The following ZNF609 variants were observed in gnomAD, a reference collection of about 807,000 sequenced individuals.
The protein encoded by ZNF609 is zinc finger protein 609.
A neutral mutation model predicts 109.5 loss-of-function variants in ZNF609; 11 were observed. The observed-to-expected ratio is 0.10, with a 90% confidence interval of 0.06 to 0.17. The LOEUF (loss-of-function observed/expected upper bound fraction) is 0.17. ZNF609 is among the 10% of genes least tolerant of loss of function. The probability of loss-of-function intolerance (pLI) is 1.00; values close to 1 mark genes in which losing one functional copy is unlikely to be tolerated. For synonymous variants in ZNF609, 646 were observed against 662.0 expected (o/e 0.98, Z 0.37); for missense variants, 1,559 against 1,772.4 (o/e 0.88, Z 2.16).
chr15:64,509,781 A>G (rs1031594647), intron 2 of ZNF609, among the ~76,000 whole-genome samples: 10 of 152,330 alleles, frequency 6.6e-5, no homozygotes, highest in African/African-American at 2.2e-4. Context: ...TTATTTTCCT[A>G]AGAATTGAAA....
chr15:64,673,357 T>C (rs1251745873), intron 4 of ZNF609, among the ~76,000 whole-genome samples: 2 of 152,190 alleles, frequency 1.3e-5, no homozygotes, highest in South Asian at 2.1e-4. Context: ...GAAAAGCTAC[T>C]TTAGGGCCTA....
At chr15:64,567,048 A>G (rs1394255884) in intron 2 of ZNF609, among the ~76,000 whole-genome samples, 3 of 152,236 alleles carry the variant, frequency 2.0e-5, no homozygotes, top group Non-Finnish European at 4.4e-5. Flanking sequence ...CCTATTAGGC[A>G]GTTATAAGGA....
chr15:64,476,388 G>A (rs993325893), intron 1 of ZNF609, among the ~76,000 whole-genome samples: 2 of 152,116 alleles, frequency 1.3e-5, no homozygotes, highest in Non-Finnish European at 2.9e-5. Flanking sequence ...ATGATATGGG[G>A]AAAAGTACAG....
At chr15:64,635,688 G>C (rs1288378742) in intron 3 of ZNF609, among the ~76,000 whole-genome samples, 1 of 152,198 alleles carries the variant, frequency 6.6e-6, no homozygotes, top group Non-Finnish European at 1.5e-5. Flanking sequence ...TAAAGCTGCT[G>C]TAACAATGAT....
chr15:64,478,155 G>GGTT (rs1555413997), intron 1 of ZNF609, among the ~76,000 whole-genome samples: 2 of 138,308 alleles, frequency 1.4e-5, no homozygotes, highest in South Asian at 2.4e-4. Context: ...TTAGAATAAA[G>GGTT]GTGTGTGTGT....
intron 2 of ZNF609, among the ~76,000 whole-genome samples, chr15:64,516,513 A>T (rs1893812979): frequency 1.3e-5 from 2 of 152,140 alleles, no homozygotes; most frequent in Admixed American, 1.3e-4. Flanking sequence ...AGTTGGGATG[A>T]CAGGCATGCG....
At chr15:64,528,291 G>A (rs1238789411) in intron 2 of ZNF609, among the ~76,000 whole-genome samples, 1 of 151,470 alleles carries the variant, frequency 6.6e-6, no homozygotes, top group Non-Finnish European at 1.5e-5. Flanking sequence ...TAGAGATGGG[G>A]TTTCACCATA....
chr15:64,494,655 G>C (rs1566997545), intron 1 of ZNF609, among the ~76,000 whole-genome samples: 1 of 152,008 alleles, frequency 6.6e-6, no homozygotes, highest in Non-Finnish European at 1.5e-5. Context: ...CTCCCAAGTA[G>C]CTGGGATTAC....
chr15:64,594,511 T>G (rs931309181), intron 2 of ZNF609, among the ~76,000 whole-genome samples: 3 of 151,276 alleles, frequency 2.0e-5, no homozygotes, highest in African/African-American at 7.3e-5. Context: ...TTTTTTTTTG[T>G]ATTGTTGGTA....
intron 2 of ZNF609, among the ~76,000 whole-genome samples, chr15:64,562,605 A>G (rs768018965): frequency 3.3e-5 from 5 of 152,186 alleles, no homozygotes; most frequent in African/African-American, 1.2e-4. Flanking sequence ...AGATCAGTCT[A>G]TATAATTATA....
At chr15:64,631,340 CA>C in intron 3 of ZNF609, 1 of 712,374 alleles carries the variant, frequency 1.4e-6, no homozygotes, top group Non-Finnish European at 2.6e-6. Flanking sequence ...ATTCTCTTGG[CA>C]AGAATCTTGC....
In ZNF609 at chr15:64,602,995, T is replaced by G. The variant is rs543566110; in HGVS notation, c.748-19832T>G. The stretch of plus-strand genomic sequence containing the variant: ...CTCCTGACCTTGTGATCTGCCCACC[T>G]TGGTCTCCCAAAGTGCTGGGATTAC... On this transcript the variant is annotated intron_variant, in intron 2 of 9. Transcript: ENST00000326648. Among the ~76,000 whole-genome samples the G allele has an allele frequency of 2.0e-5, 3 of 149,222 alleles. No homozygotes were observed. The South Asian group carries it at 6.4e-4, about 32-fold the overall frequency.
intron 3 of ZNF609, among the ~76,000 whole-genome samples, chr15:64,624,542 G>A (rs1595742959): frequency 6.6e-6 from 1 of 151,928 alleles, no homozygotes; most frequent in Non-Finnish European, 1.5e-5. Context: ...AGAACAAGAT[G>A]CTTTTTTTAT....
intron 2 of ZNF609, among the ~76,000 whole-genome samples, chr15:64,504,168 G>C (rs947168721): frequency 6.6e-6 from 1 of 152,154 alleles, no homozygotes; most frequent in Non-Finnish European, 1.5e-5. Flanking sequence ...TATTTATGTG[G>C]GACAGAGTTG....
intron 2 of ZNF609, chr15:64,501,867 T>C (rs1391140274): frequency 1.3e-5 from 2 of 152,244 alleles, no homozygotes; most frequent in Non-Finnish European, 2.9e-5. Context: ...AGTGTAAATG[T>C]CCATGATTGT....
intron 2 of ZNF609, among the ~76,000 whole-genome samples, chr15:64,513,340 A>G (rs1595704046): frequency 6.6e-6 from 1 of 152,230 alleles, no homozygotes; most frequent in East Asian, 1.9e-4. Context: ...ATATGCCATA[A>G]GGCATTTTTC....
intron 2 of ZNF609, among the ~76,000 whole-genome samples, chr15:64,559,890 A>C (rs535036727): frequency 1.3e-5 from 2 of 152,354 alleles, no homozygotes; most frequent in South Asian, 4.1e-4. Context: ...CCGTAGCAAT[A>C]ATAGTATAAG....
chr15:64,660,367 A>G (rs1336989573), intron 3 of ZNF609, among the ~76,000 whole-genome samples: 1 of 152,182 alleles, frequency 6.6e-6, no homozygotes, highest in South Asian at 2.1e-4. Flanking sequence ...CTCAAGGTGC[A>G]GACGGTCTAT....
rs1243466173 is a variant in ZNF609 at position 64,674,710 on chromosome 15, C to T, written c.1856C>T (p.Thr619Ile). The T allele has an allele frequency of 6.2e-7, 1 of 1,614,088 alleles. No homozygotes were observed. Among genetic ancestry groups the T allele is most frequent in the Middle Eastern group, 1.6e-4 (1 of 6,062 alleles). Residue 619 changes from threonine (T) to isoleucine (I), a missense_variant, in exon 5 of 10, where the codon ACA becomes ATA. Thr to Ile is a moderately conservative substitution (Grantham distance 89). Transcript: ENST00000326648. ...SDDGPSVMDETSNDAFDSLER... is the reference protein window; with the variant it reads ...SDDGPSVMDEISNDAFDSLER... ...GATGGACCCTCAGTGATGGATGAAA[C>T]AAGCAATGATGCCTTTGATTCTTTA...
Sources: gnomAD v4.1 joint callset for allele counts (sites outside exome capture counted in the v4.1 genomes callset) on GRCh38, gnomAD v4.1.1 for gene constraint, MANE v1.5 for transcripts, NCBI Gene and HGNC (gene_info 2026-07-23, HGNC 2026-07-21) for gene names.